Variants in XYLT1 observed in about 807,000 individuals in gnomAD.
The protein encoded by XYLT1 is beta-D-xylosyltransferase 1.
XYLT1 carries 36 observed loss-of-function variants against 91.3 expected under a neutral mutation model. The ratio of observed to expected loss-of-function variants is 0.39; its 90% CI spans 0.30 to 0.52. The LOEUF (loss-of-function observed/expected upper bound fraction) is 0.52, where lower values mean the gene tolerates loss of function less well. XYLT1 is among the 20% of genes least tolerant of loss of function. XYLT1 has a pLI of 0.68. For missense variants in XYLT1, 1,242 were observed against 1,284.5 expected, an observed-to-expected ratio of 0.97 and a Z score of 0.51; for synonymous variants, 588 against 532.0, an observed-to-expected ratio of 1.11 and a Z score of -1.45.
intron 5 of XYLT1, among the ~76,000 whole-genome samples, chr16:17,184,645 C>T (rs1445101968): frequency 6.6e-6 from 1 of 152,230 alleles, no homozygotes; most frequent in East Asian, 1.9e-4. Flanking sequence ...GGCTACCATA[C>T]AGGATGGTGC....
At chr16:17,136,573 T>C (rs2030729342) in intron 8 of XYLT1, among the ~76,000 whole-genome samples, 1 of 152,240 alleles carries the variant, frequency 6.6e-6, no homozygotes, top group Non-Finnish European at 1.5e-5. Context: ...TAGTGTAGGC[T>C]GCTCTTTGAT....
At chr16:17,284,350 G>A (rs758018683) in intron 2 of XYLT1, among the ~76,000 whole-genome samples, 1 of 152,208 alleles carries the variant, frequency 6.6e-6, no homozygotes, top group Non-Finnish European at 1.5e-5. Context: ...TAGGTGCTCA[G>A]TAGTGAACAA....
At chr16:17,203,516 A>G (rs2032582035) in intron 3 of XYLT1, among the ~76,000 whole-genome samples, 1 of 151,594 alleles carries the variant, frequency 6.6e-6, no homozygotes, top group Admixed American at 6.6e-5. Context: ...CCACCCATCC[A>G]CCCATTCATC....
intron 2 of XYLT1, among the ~76,000 whole-genome samples, chr16:17,303,580 G>T (rs548764047): frequency 6.6e-6 from 1 of 152,168 alleles, no homozygotes; most frequent in African/African-American, 2.4e-5. Flanking sequence ...CCATTGTGAG[G>T]GTTCTAGGAA....
chr16:17,237,782 G>A (rs1179958581), intron 3 of XYLT1, among the ~76,000 whole-genome samples: 1 of 152,220 alleles, frequency 6.6e-6, no homozygotes, highest in African/African-American at 2.4e-5. Context: ...CGGGTCACTT[G>A]GGTGACACTG....
At chr16:17,200,229 A>G (rs986038779) in intron 4 of XYLT1, among the ~76,000 whole-genome samples, 6 of 147,932 alleles carry the variant, frequency 4.1e-5, no homozygotes, top group Admixed American at 6.8e-5. Context: ...AAAAAAAAAG[A>G]AAAAAAACCC....
intron 1 of XYLT1, among the ~76,000 whole-genome samples, chr16:17,379,033 C>A (rs1053944242): frequency 1.3e-5 from 2 of 152,200 alleles, no homozygotes; most frequent in African/African-American, 4.8e-5. Context: ...GCTAAATGGG[C>A]ACATAGCCCT....
intron 5 of XYLT1, among the ~76,000 whole-genome samples, chr16:17,177,806 A>G (rs2031977654): frequency 6.6e-6 from 1 of 152,224 alleles, no homozygotes; most frequent in East Asian, 1.9e-4. Flanking sequence ...AGAAAGTACT[A>G]GAGGAACACA....
chr16:17,141,104 G>A, intron 7 of XYLT1, 49 bp downstream of exon 7: 1 of 1,583,030 alleles, frequency 6.3e-7, no homozygotes, highest in Non-Finnish European at 8.6e-7. Flanking sequence ...TGCCACAAAG[G>A]CTAGAACAAG....
intron 1 of XYLT1, among the ~76,000 whole-genome samples, chr16:17,411,662 C>T (rs1249698550): frequency 6.6e-6 from 1 of 152,170 alleles, no homozygotes; most frequent in African/African-American, 2.4e-5. Flanking sequence ...AAGAGGGTGA[C>T]TTTTCTGGGA....
intron 9 of XYLT1, among the ~76,000 whole-genome samples, chr16:17,133,366 G>A (rs1351050021): frequency 6.6e-6 from 1 of 152,026 alleles, no homozygotes; most frequent in African/African-American, 2.4e-5. Context: ...GGCACTTCTG[G>A]GAATCTATCC....
chr16:17,462,883 G>T (rs925950484), intron 1 of XYLT1, among the ~76,000 whole-genome samples: 23 of 152,178 alleles, frequency 1.5e-4, no homozygotes, highest in Admixed American at 2.6e-4. Context: ...CACAAAGAGG[G>T]TTTAGAACAG....
chr16:17,329,483 G>A (rs561446822), intron 2 of XYLT1, among the ~76,000 whole-genome samples: 1 of 152,174 alleles, frequency 6.6e-6, no homozygotes, highest in South Asian at 2.1e-4. Context: ...TATCTATACG[G>A]GTCTTCATCC....
intron 7 of XYLT1, among the ~76,000 whole-genome samples, chr16:17,139,122 G>C (rs2030881847): frequency 6.6e-6 from 1 of 152,190 alleles, no homozygotes. Context: ...AAGAGGCCAT[G>C]TTGGATCTGA....
At chr16:17,363,899 G>A (rs1236449172) in intron 1 of XYLT1, among the ~76,000 whole-genome samples, 1 of 152,042 alleles carries the variant, frequency 6.6e-6, no homozygotes, top group Non-Finnish European at 1.5e-5. Context: ...GGCTGGTCTC[G>A]AACTCCTGAC....
intron 11 of XYLT1, among the ~76,000 whole-genome samples, chr16:17,114,897 TGC>T (rs1193121522): frequency 6.6e-6 from 1 of 152,074 alleles, no homozygotes; most frequent in African/African-American, 2.4e-5. Context: ...CAGGCTGGAG[TGC>T]AGTGGCGTGA....
At chr16:17,347,019 G>T (rs1276652547) in intron 2 of XYLT1, among the ~76,000 whole-genome samples, 1 of 152,162 alleles carries the variant, frequency 6.6e-6, no homozygotes, top group East Asian at 1.9e-4. Context: ...CATTGAGGGG[G>T]GAGCCGGGGT....
At chr16:17,166,624 G>C (rs1376054026) in intron 5 of XYLT1, among the ~76,000 whole-genome samples, 2 of 151,708 alleles carry the variant, frequency 1.3e-5, no homozygotes, top group African/African-American at 4.8e-5. Flanking sequence ...AGATTCTCCT[G>C]CTTCAGCCTC....
At chr16:17,142,431 A>AT (rs71137975) in intron 6 of XYLT1, among the ~76,000 whole-genome samples, 17,909 of 122,688 alleles carry the variant, frequency 0.15, 1,945 homozygotes, top group South Asian at 0.28. Context: ...AAATCCTGTA[A>AT]TTTTTTTTTT....
Sources: allele counts gnomAD v4.1 joint callset (sites outside exome capture counted in the v4.1 genomes callset), GRCh38; gene constraint gnomAD v4.1.1; transcripts MANE v1.5; gene names NCBI Gene and HGNC (gene_info 2026-07-23, HGNC 2026-07-21).